Variants in KIF21B observed in about 807,000 individuals in gnomAD.
KIF21B encodes kinesin-like protein KIF21B.
In KIF21B, 85 loss-of-function variants were observed where a neutral mutation model predicts 192.9. The observed-to-expected ratio is 0.44, with a 90% CI of 0.37 to 0.53. The LOEUF (loss-of-function observed/expected upper bound fraction) is 0.53. Ranked by LOEUF, KIF21B falls within the 20% of genes least tolerant of loss-of-function variation. The pLI, the probability that KIF21B is intolerant of heterozygous loss-of-function variation, is 0.00. For missense variants in KIF21B, 1,716 were observed against 2,194.8 expected, an observed-to-expected ratio of 0.78 and a Z score of 4.36; for synonymous variants, 832 against 884.6, an observed-to-expected ratio of 0.94 and a Z score of 1.05.
chr1:201,015,403 C>A (rs1372611132), intron 1 of KIF21B, among the ~76,000 whole-genome samples: 2 of 152,224 alleles, frequency 1.3e-5, no homozygotes, highest in African/African-American at 4.8e-5. Flanking sequence ...CCCAGGGGGG[C>A]TAAAAGCATA....
At chr1:201,019,379 C>T (rs1287064579) in intron 1 of KIF21B, among the ~76,000 whole-genome samples, 2 of 152,332 alleles carry the variant, frequency 1.3e-5, no homozygotes, top group African/African-American at 2.4e-5. Context: ...CACAGCAGTT[C>T]CCATTTTCCA....
Position 200,971,602 on chromosome 1 carries a change from G to T in KIF21B, c.*1919C>A, listed in dbSNP as rs1655215134. ...TGTGGCCACATCTTAGAGCTAAGGG[G>T]GTTGCCCGGCACCCCCGGGGTGGCC... On this transcript the variant is annotated 3_prime_UTR_variant, in exon 35 of 35. Coordinates refer to ENST00000461742, the MANE Select transcript of KIF21B (RefSeq NM_001252102.2). 2 of 152,390 alleles carry T rather than the reference G, an allele frequency of 1.3e-5. No individual in the cohort carries two copies. The highest frequency in any genetic ancestry group is 1.3e-4 in the Admixed American group (2 of 15,280). The allele number at this position is 152,390 out of a possible 1,614,324, so 9.4% of individuals were successfully genotyped here. A position where few individuals can be genotyped will look rare whatever the true frequency, so the allele number is the denominator to read the frequency against.
In KIF21B at chr1:200,990,992, C is replaced by A. The variant is rs1465720206; in HGVS notation, c.2612G>T (p.Arg871Leu). 2 of 1,614,164 alleles carry A rather than the reference C, an allele frequency of 1.2e-6. No homozygotes were observed. The highest frequency in any genetic ancestry group is 1.7e-6 in the Non-Finnish European group (2 of 1,180,044). ...GTGGTTGATTTTGCGGTTCCACTGG[C>A]GCACGATGCTGGAGACAGAGCGGGC... ...SGARSVSSIVRQWNRKINHFL... is the reference protein window; with the variant it reads ...SGARSVSSIVLQWNRKINHFL... Residue 871 changes from arginine (R) to leucine (L), a missense_variant, in exon 18 of 35, where the codon CGC becomes CTC. Coordinates refer to ENST00000461742, the MANE Select transcript of KIF21B (RefSeq NM_001252102.2). The surrounding 1 kb of genome is among the most constrained non-coding windows in gnomAD (Gnocchi z 5.4).
intron 1 of KIF21B, among the ~76,000 whole-genome samples, chr1:201,018,319 G>A (rs1252868347): frequency 6.6e-6 from 1 of 152,172 alleles, no homozygotes; most frequent in African/African-American, 2.4e-5. Context: ...AAGAAAGGGA[G>A]AATGTGGCTG....
chr1:200,982,367 C>T lies in KIF21B; in HGVS notation c.3842+689G>A, dbSNP rs145599307. ...AGCTGAGACAGCCCACCAGGAGAGC[C>T]GAGGAAGCTCTCAGCCCACGAGGGG... On this transcript the variant is annotated intron_variant, in intron 28 of 34. Coordinates refer to ENST00000461742, the MANE Select transcript of KIF21B (RefSeq NM_001252102.2). The surrounding 1 kb of genome is among the most constrained non-coding windows in gnomAD (Gnocchi z 4.7). Among the ~76,000 whole-genome samples the T allele has an allele frequency of 6.8e-3, 1,035 of 152,314 alleles. 17 individuals are homozygous for T. The highest frequency in any genetic ancestry group is 0.024 in the African/African-American group (985 of 41,560).
rs61740482 is a variant in KIF21B at position 201,002,225 on chromosome 1, A to G, written c.1338T>C (p.Asp446=). The stretch of plus-strand genomic sequence containing the variant: ...GCTGGGTGACGCGGTTGTTGATGGC[A>G]TCGATGGCCTCCTGCATGGCTTTCA... ...LRVKAMQEAI[D]AINNRVTQLM... Residue 446 remains aspartate (D), a synonymous_variant, in exon 9 of 35, where the codon GAT becomes GAC. Transcript: ENST00000461742. 0.018 allele frequency: 29,297 copies of G among 1,614,126 alleles called. 1,300 individuals are homozygous for G. Among genetic ancestry groups the G allele is most frequent in the East Asian group, 0.11 (4,944 of 44,874 alleles).
At chr1:200,996,916 A>G (rs1234974224) in intron 14 of KIF21B, among the ~76,000 whole-genome samples, 6 of 152,250 alleles carry the variant, frequency 3.9e-5, no homozygotes, top group African/African-American at 1.4e-4. Context: ...AGTACACAGC[A>G]TCACGCTCCT....
rs369473130 is a variant in KIF21B, at chr1:200,999,309, G to A, written c.1885+40C>T. On this transcript the variant is annotated intron_variant, in intron 13 of 34. Coordinates refer to ENST00000461742, the MANE Select transcript of KIF21B (RefSeq NM_001252102.2). The surrounding 1 kb of genome is among the most constrained non-coding windows in gnomAD (Gnocchi z 4.7). Reference sequence around the variant, plus strand: ...CCCACACTTGGGCACTGGCAGCCAGGCATTGCATCCCCCACAGCCCACAGC... The same window carrying A: ...CCCACACTTGGGCACTGGCAGCCAGACATTGCATCCCCCACAGCCCACAGC... 3.1e-6 allele frequency: 5 copies of A among 1,613,238 alleles called. No individual in the cohort carries two copies. In the African/African-American group the frequency reaches 6.7e-5, roughly 22 times the overall value.
chr1:200,995,588 T>C (rs10920086), intron 15 of KIF21B, among the ~76,000 whole-genome samples: 89,228 of 152,148 alleles, frequency 0.59, 28,011 homozygotes, highest in African/African-American at 0.82. Context: ...TTGTGCCACC[T>C]GGAACACACA....
chr1:201,000,929 G>C lies in KIF21B; in HGVS notation c.1403-149C>G. 1.4e-6 allele frequency: 1 copy of C among 737,954 alleles called. No individual in the cohort carries two copies. The highest frequency in any genetic ancestry group is 1.5e-5 in the South Asian group (1 of 65,478). 45.7% of individuals were successfully genotyped at this position (737,954 alleles called of 1,614,324 possible). ...TCGAGACTAGCCTGACCAACATGGAGAAACCCCGTCTCTACTAAAAATACA... is the reference window on the plus strand; with the variant it reads ...TCGAGACTAGCCTGACCAACATGGACAAACCCCGTCTCTACTAAAAATACA... On this transcript the variant is annotated intron_variant, in intron 9 of 34. Coordinates refer to ENST00000461742, the MANE Select transcript of KIF21B (RefSeq NM_001252102.2). This position sits in a 1 kb window ranked among gnomAD's most constrained non-coding sequence, Gnocchi z 6.0.
intron 1 of KIF21B, among the ~76,000 whole-genome samples, chr1:201,012,320 C>G (rs375193907): frequency 2.0e-5 from 3 of 152,186 alleles, no homozygotes; most frequent in African/African-American, 7.2e-5. Context: ...ACCAATTCCC[C>G]AAGCAACTTA....
intron 1 of KIF21B, among the ~76,000 whole-genome samples, chr1:201,018,749 G>A (rs1658654090): frequency 6.6e-6 from 1 of 152,192 alleles, no homozygotes; most frequent in African/African-American, 2.4e-5. Flanking sequence ...TAGGCACAGA[G>A]TAAGTGTTCA....
rs114368496 is a variant in KIF21B, at chr1:200,998,827, C to G, written c.1886-252G>C. 0.018 allele frequency among the ~76,000 whole-genome samples: 2,735 copies of G among 152,266 alleles called. 90 individuals are homozygous for G. The highest frequency in any genetic ancestry group is 0.062 in the African/African-American group (2,558 of 41,558). ...GGGGGGATCTACACGTCCTTCCCAG[C>G]CATTCGAGGCCAGCATCCACCTGTT... On this transcript the variant is annotated intron_variant, in intron 13 of 34. Coordinates refer to ENST00000461742, the MANE Select transcript of KIF21B (RefSeq NM_001252102.2). This position sits in a 1 kb window ranked among gnomAD's most constrained non-coding sequence, Gnocchi z 4.3.
rs1001825196 is a variant in KIF21B at position 200,982,375 on chromosome 1, C to T, written c.3842+681G>A. Among the ~76,000 whole-genome samples, 2 of 152,226 alleles carry T rather than the reference C, an allele frequency of 1.3e-5. No homozygotes were observed. The highest frequency in any genetic ancestry group is 4.8e-5 in the African/African-American group (2 of 41,456). On this transcript the variant is annotated intron_variant, in intron 28 of 34. Coordinates refer to ENST00000461742, the MANE Select transcript of KIF21B (RefSeq NM_001252102.2). This position sits in a 1 kb window ranked among gnomAD's most constrained non-coding sequence, Gnocchi z 4.7. ...CAGCCCACCAGGAGAGCCGAGGAAG[C>T]TCTCAGCCCACGAGGGGCCCTTGGC...
intron 3 of KIF21B, among the ~76,000 whole-genome samples, chr1:201,008,540 TCATA>T (rs1658046384): frequency 6.6e-6 from 1 of 152,156 alleles, no homozygotes; most frequent in Non-Finnish European, 1.5e-5. Flanking sequence ...TGTGAAGGGA[TCATA>T]CAGTCATCAA....
In KIF21B at chr1:200,992,346, C is replaced by A. The variant is rs756418278; in HGVS notation, c.2321G>T (p.Arg774Leu). The A allele has an allele frequency of 1.9e-6, 3 of 1,612,898 alleles. No individual in the cohort carries two copies. The highest frequency in any genetic ancestry group is 3.3e-5 in the Admixed American group (2 of 60,014). ...CCGGTTCCTCTTGGTCTCCACTAGC[C>A]GCCGCCGCTGTTGCTCCTCACGCAT... ...KQMREEQQRR[R>L]LVETKRNREI... Residue 774 changes from arginine (R) to leucine (L), a missense_variant, in exon 16 of 35, where the codon CGG becomes CTG. Transcript: ENST00000461742.
intron 1 of KIF21B, 52 bp from the exon 2 acceptor site, chr1:201,009,540 C>CA (rs1389279808): frequency 6.6e-7 from 1 of 1,518,302 alleles, no homozygotes; most frequent in Non-Finnish European, 9.0e-7. Flanking sequence ...AGGGGGCTGC[C>CA]ACAGGCCCCT....
chr1:201,001,218 A>G, intron 9 of KIF21B, among the ~76,000 whole-genome samples: 1 of 152,168 alleles, frequency 6.6e-6, no homozygotes, highest in East Asian at 1.9e-4. Flanking sequence ...GCCTTTTCCA[A>G]AAAGAAATCT....
intron 17 of KIF21B, 36 bp from the exon 18 acceptor site, chr1:200,991,185 C>T (rs1405651586): frequency 6.4e-7 from 1 of 1,569,516 alleles, no homozygotes; most frequent in Non-Finnish European, 8.7e-7. Flanking sequence ...AGCCGGTGAG[C>T]AGGGTGGCCT....
Sources: gnomAD v4.1 joint callset for allele counts (sites outside exome capture counted in the v4.1 genomes callset) on GRCh38, gnomAD v4.1.1 for gene constraint, Gnocchi (gnomAD v3.1) non-coding constraint, MANE v1.5 for transcripts, NCBI Gene and HGNC (gene_info 2026-07-23, HGNC 2026-07-21) for gene names.